CATSPERT: variants seen among roughly 807,000 people sequenced by gnomAD.
CATSPERT encodes the protein catsper channel auxiliary subunit tau, also known as cation channel sperm-associated targeting subunit tau.
the CATSPERT span, chr2:201,496,024 A>G: frequency 1.7e-6 from 2 of 1,184,636 alleles, no homozygotes; most frequent in African/African-American, 1.6e-5. Flanking sequence ...GAATATCAAG[A>G]TCATTTTATT....
At chr2:201,543,107 C>T in the CATSPERT span, among the ~76,000 whole-genome samples, 1 of 152,144 alleles carries the variant, frequency 6.6e-6, no homozygotes, top group Non-Finnish European at 1.5e-5. Context: ...GCTGAAAAGA[C>T]TATTCTTTCC....
At chr2:201,500,352 A>T in the CATSPERT span, among the ~76,000 whole-genome samples, 1 of 152,022 alleles carries the variant, frequency 6.6e-6, no homozygotes, top group Non-Finnish European at 1.5e-5. Context: ...GTCTCTACTA[A>T]AAATACAAAA....
At chr2:201,507,309 TC>T in the CATSPERT span, among the ~76,000 whole-genome samples, 1 of 152,014 alleles carries the variant, frequency 6.6e-6, no homozygotes, top group East Asian at 1.9e-4. Flanking sequence ...AAAGAATCAA[TC>T]TAATAAGAAA....
At chr2:201,577,199 G>C in the CATSPERT span, among the ~76,000 whole-genome samples, 11 of 151,950 alleles carry the variant, frequency 7.2e-5, no homozygotes, top group Non-Finnish European at 1.3e-4. Flanking sequence ...GTTTAGACTT[G>C]GGTCCCATCC....
At chr2:201,500,973 A>T in the CATSPERT span, among the ~76,000 whole-genome samples, 2 of 152,212 alleles carry the variant, frequency 1.3e-5, no homozygotes, top group East Asian at 3.8e-4. Context: ...AATGGGTCAC[A>T]GAAGAAATTA....
the CATSPERT span, among the ~76,000 whole-genome samples, chr2:201,592,830 C>A: frequency 5.1e-3 from 779 of 152,064 alleles, 11 homozygotes; most frequent in East Asian, 0.011. Flanking sequence ...TGGTGATATA[C>A]CCTTTATCAT....
At chr2:201,510,279 A>T in the CATSPERT span, among the ~76,000 whole-genome samples, 14 of 143,986 alleles carry the variant, frequency 9.7e-5, 1 homozygote, top group African/African-American at 3.9e-4. Flanking sequence ...CCCTGTCTCT[A>T]CTAAAAATAC....
the CATSPERT span, among the ~76,000 whole-genome samples, chr2:201,536,714 GA>G: frequency 4.6e-5 from 7 of 151,858 alleles, no homozygotes; most frequent in Admixed American, 3.9e-4. Flanking sequence ...AGAAAATAAA[GA>G]GAATATTAAT....
the CATSPERT span, chr2:201,545,437 A>C: frequency 2.7e-6 from 2 of 753,704 alleles, no homozygotes; most frequent in South Asian, 4.3e-5. Context: ...TTTATTTCCT[A>C]ACAAAACAGA....
chr2:201,524,853 G>C, the CATSPERT span, among the ~76,000 whole-genome samples: 7 of 152,026 alleles, frequency 4.6e-5, no homozygotes, highest in African/African-American at 1.7e-4. Flanking sequence ...AGCCAACAAC[G>C]ATAAAAAAAG....
At chr2:201,603,178 C>G in the CATSPERT span, 1 of 1,557,092 alleles carries the variant, frequency 6.4e-7, no homozygotes, top group Admixed American at 1.8e-5. Flanking sequence ...ATAACTGAAA[C>G]AGTGAGATAT....
chr2:201,492,268 G>T, the CATSPERT span: 12 of 1,532,842 alleles, frequency 7.8e-6, no homozygotes, highest in Non-Finnish European at 7.9e-6. Flanking sequence ...TAATGGTATA[G>T]AACTAGAATT....
At chr2:201,578,620 C>A in the CATSPERT span, among the ~76,000 whole-genome samples, 2 of 151,994 alleles carry the variant, frequency 1.3e-5, no homozygotes, top group Non-Finnish European at 2.9e-5. Flanking sequence ...GAAAGAAACT[C>A]TGAACAATGA....
the CATSPERT span, chr2:201,604,665 A>G: frequency 1.9e-6 from 3 of 1,605,912 alleles, no homozygotes; most frequent in East Asian, 2.3e-5. Flanking sequence ...CCAGTTCTTC[A>G]CTATCAGACT....
At chr2:201,543,860 C>CT in the CATSPERT span, among the ~76,000 whole-genome samples, 1 of 151,846 alleles carries the variant, frequency 6.6e-6, no homozygotes, top group African/African-American at 2.4e-5. Flanking sequence ...AACTTGCTTT[C>CT]TTTTTTTTAT....
chr2:201,585,264 T>G, the CATSPERT span, among the ~76,000 whole-genome samples: 1 of 151,764 alleles, frequency 6.6e-6, no homozygotes, highest in Non-Finnish European at 1.5e-5. Context: ...GGGATAACCT[T>G]AGGAGAAATA....
the CATSPERT span, among the ~76,000 whole-genome samples, chr2:201,497,406 G>A: frequency 6.6e-6 from 1 of 151,988 alleles, no homozygotes; most frequent in Non-Finnish European, 1.5e-5. Context: ...CTTAAACACA[G>A]TTTACGTTAT....
the CATSPERT span, among the ~76,000 whole-genome samples, chr2:201,616,620 T>A: frequency 6.6e-6 from 1 of 152,156 alleles, no homozygotes; most frequent in African/African-American, 2.4e-5. Context: ...GGGCAAAAAC[T>A]GGAAGCATTC....
chr2:201,533,819 TGTA>T, the CATSPERT span, among the ~76,000 whole-genome samples: 1 of 152,148 alleles, frequency 6.6e-6, no homozygotes, highest in Non-Finnish European at 1.5e-5. Context: ...TGGGACTTGC[TGTA>T]ATTAACAGAA....
Sources: gnomAD v4.1 joint callset for allele counts (sites outside exome capture counted in the v4.1 genomes callset) on GRCh38, gnomAD v4.1.1 for gene constraint, MANE v1.5 for transcripts, NCBI Gene and HGNC (gene_info 2026-07-23, HGNC 2026-07-21) for gene names.